The following EXOC4 variants were observed in gnomAD, a reference collection of about 807,000 sequenced individuals.
EXOC4 encodes exocyst complex component 4.
A neutral mutation model predicts 107.2 loss-of-function variants in EXOC4; 71 were observed. The observed-to-expected ratio is 0.66, with a 90% CI of 0.55 to 0.81. The LOEUF is 0.81. Among genes scored for constraint, EXOC4 ranks in the 30% least tolerant of loss-of-function variants. The pLI, the probability that EXOC4 is intolerant of heterozygous loss-of-function variation, is 0.00. For synonymous variants in EXOC4, 456 were observed against 441.2 expected (o/e 1.03, Z -0.42); for missense variants, 1,108 against 1,189.6 (o/e 0.93, Z 1.01).
intron 7 of EXOC4, among the ~76,000 whole-genome samples, chr7:133,395,858 G>A (rs1444991523): frequency 6.6e-6 from 1 of 151,988 alleles, no homozygotes; most frequent in Non-Finnish European, 1.5e-5. Context: ...GGATTGTTTA[G>A]CTCTGCTTTT....
At chr7:133,477,260 T>A (rs999219999) in intron 8 of EXOC4, among the ~76,000 whole-genome samples, 2 of 152,188 alleles carry the variant, frequency 1.3e-5, no homozygotes, top group African/African-American at 4.8e-5. Flanking sequence ...ACCATTACAG[T>A]GTCATACAGA....
chr7:133,871,530 A>G (rs1798752623), intron 11 of EXOC4, among the ~76,000 whole-genome samples: 1 of 152,074 alleles, frequency 6.6e-6, no homozygotes, highest in African/African-American at 2.4e-5. Flanking sequence ...CAGCCTTATG[A>G]ACACCCAGCC....
intron 9 of EXOC4, among the ~76,000 whole-genome samples, chr7:133,482,627 G>A (rs1390832950): frequency 2.0e-5 from 3 of 152,104 alleles, no homozygotes; most frequent in African/African-American, 7.2e-5. Context: ...CACTTGCTTT[G>A]TAACCTCCAG....
chr7:133,479,802 C>T, intron 8 of EXOC4: 2 of 482,580 alleles, frequency 4.1e-6, no homozygotes, highest in South Asian at 5.8e-5. Flanking sequence ...CACAGTTGTA[C>T]CAGTTGAAAT....
chr7:133,403,043 C>T lies in EXOC4; in HGVS notation c.1182+28041C>T, dbSNP rs186761321. On this transcript the variant is annotated intron_variant, in intron 7 of 17. Transcript: ENST00000253861. ...GGGATTACAGGCACGCACCACCATGCCCAGCTAATTTTTTTATTTGTACTA... is the reference window on the plus strand; with the variant it reads ...GGGATTACAGGCACGCACCACCATGTCCAGCTAATTTTTTTATTTGTACTA... 2.8e-3 allele frequency among the ~76,000 whole-genome samples: 430 copies of T among 152,040 alleles called. 3 individuals are homozygous for T. The highest frequency in any genetic ancestry group is 1.0e-2 in the African/African-American group (413 of 41,452).
At chr7:133,847,190 T>G (rs1320513521) in intron 11 of EXOC4, among the ~76,000 whole-genome samples, 1 of 152,170 alleles carries the variant, frequency 6.6e-6, no homozygotes, top group Non-Finnish European at 1.5e-5. Flanking sequence ...TTGCCATATA[T>G]AATACCTTAC....
chr7:133,553,725 A>G (rs1800635153), intron 9 of EXOC4, among the ~76,000 whole-genome samples: 1 of 152,160 alleles, frequency 6.6e-6, no homozygotes, highest in African/African-American at 2.4e-5. Flanking sequence ...TGGGGATGGC[A>G]GCCGGGGAGA....
intron 9 of EXOC4, among the ~76,000 whole-genome samples, chr7:133,624,333 C>G (rs546101572): frequency 6.6e-6 from 1 of 152,078 alleles, no homozygotes; most frequent in African/African-American, 2.4e-5. Flanking sequence ...TGGGTACTCC[C>G]TACTACTTTG....
chr7:133,434,907 A>G (rs970225364), intron 7 of EXOC4, among the ~76,000 whole-genome samples: 1 of 152,076 alleles, frequency 6.6e-6, no homozygotes, highest in Non-Finnish European at 1.5e-5. Flanking sequence ...ACTCCTAACT[A>G]TTGTGTGATA....
intron 14 of EXOC4, among the ~76,000 whole-genome samples, chr7:133,954,267 T>G (rs1800762438): frequency 6.6e-6 from 1 of 152,234 alleles, no homozygotes; most frequent in Non-Finnish European, 1.5e-5. Context: ...ATCAGATGAC[T>G]GGAAACTGGC....
intron 10 of EXOC4, among the ~76,000 whole-genome samples, chr7:133,809,623 A>G (rs1797167432): frequency 6.6e-6 from 1 of 152,218 alleles, no homozygotes; most frequent in Admixed American, 6.5e-5. Flanking sequence ...ACGCGTTTCT[A>G]TTGGTTGTGA....
rs146985962 is a variant in EXOC4, at chr7:133,466,136, T to TA, written c.1183-9180dup. On this transcript the variant is annotated intron_variant, in intron 7 of 17. Transcript: ENST00000253861. The stretch of plus-strand genomic sequence containing the variant: ...TGGGCAACAAGAGTGAAATTCTGTC[T>TA]AAAAAAAAAAAATGGAGAAAACTCA... Among the ~76,000 whole-genome samples, 379 of 135,960 alleles carry TA rather than the reference T, an allele frequency of 2.8e-3. 4 individuals carry two copies. Among genetic ancestry groups the TA allele is most frequent in the South Asian group, 9.3e-3 (40 of 4,304 alleles). The allele number at this position is 135,960 out of a possible 152,430, so 89.2% of individuals were successfully genotyped here. A position where few individuals can be genotyped will look rare whatever the true frequency, so the allele number is the denominator to read the frequency against.
chr7:133,276,774 C>T (rs1794003514), intron 2 of EXOC4, among the ~76,000 whole-genome samples: 1 of 152,118 alleles, frequency 6.6e-6, no homozygotes. Flanking sequence ...GTGCATATGG[C>T]ATCTTCATGT....
In EXOC4 at chr7:133,900,551, G is replaced by A. The variant is rs143263793; in HGVS notation, c.1871+4816G>A. 1.8e-3 allele frequency among the ~76,000 whole-genome samples: 275 copies of A among 152,336 alleles called. 2 individuals carry two copies. The highest frequency in any genetic ancestry group is 6.1e-3 in the African/African-American group (253 of 41,590). ...GGTAGCGAGGAGCCACTGAGTGGGT[G>A]TTAAGCATGGAGTGCCACGTGCACA... On this transcript the variant is annotated intron_variant, in intron 12 of 17. Transcript: ENST00000253861.
chr7:133,321,476 G>T (rs1390036882), intron 5 of EXOC4, among the ~76,000 whole-genome samples: 1 of 152,066 alleles, frequency 6.6e-6, no homozygotes, highest in African/African-American at 2.4e-5. Flanking sequence ...GTGTCCATAT[G>T]TTCTCATTGT....
intron 12 of EXOC4, among the ~76,000 whole-genome samples, chr7:133,900,877 A>G (rs1167229237): frequency 6.6e-6 from 1 of 152,032 alleles, no homozygotes; most frequent in Non-Finnish European, 1.5e-5. Context: ...ATTTAATGTT[A>G]TTTATTTATT....
chr7:133,673,523 A>G (rs1158936934), intron 10 of EXOC4, among the ~76,000 whole-genome samples: 1 of 152,086 alleles, frequency 6.6e-6, no homozygotes, highest in East Asian at 1.9e-4. Context: ...CTCACCACAC[A>G]CACCCTTGCT....
chr7:133,295,461 T>G (rs1429157012), intron 3 of EXOC4, among the ~76,000 whole-genome samples: 1 of 152,178 alleles, frequency 6.6e-6, no homozygotes, highest in East Asian at 1.9e-4. Context: ...AATTTGTTGG[T>G]AAAGTATCCA....
intron 9 of EXOC4, among the ~76,000 whole-genome samples, chr7:133,584,140 G>T (rs1295002631): frequency 6.6e-6 from 1 of 152,140 alleles, no homozygotes. Flanking sequence ...GGGATATATG[G>T]GCTGTTTAGG....
Sources: gnomAD v4.1 joint callset for allele counts (sites outside exome capture counted in the v4.1 genomes callset) on GRCh38, gnomAD v4.1.1 for gene constraint, MANE v1.5 for transcripts, NCBI Gene and HGNC (gene_info 2026-07-23, HGNC 2026-07-21) for gene names.